Variants in ERC2 observed in about 807,000 individuals in gnomAD.
ERC2 encodes ERC protein 2.
ERC2 carries 42 observed loss-of-function variants against 114.8 expected under a neutral mutation model. That is an observed-to-expected ratio of 0.37 (90% confidence interval 0.29 to 0.47). The LOEUF (loss-of-function observed/expected upper bound fraction) is 0.47, where lower values mean the gene tolerates loss of function less well. Ranked by LOEUF, ERC2 falls within the 20% of genes least tolerant of loss-of-function variation. ERC2 has a pLI of 0.99. For missense variants in ERC2, 939 were observed against 1,150.7 expected, an observed-to-expected ratio of 0.82 and a Z score of 2.66; for synonymous variants, 454 against 425.5, an observed-to-expected ratio of 1.07 and a Z score of -0.82.
At chr3:55,674,636 G>T (rs899085643) in intron 17 of ERC2, among the ~76,000 whole-genome samples, 3 of 152,140 alleles carry the variant, frequency 2.0e-5, no homozygotes, top group Non-Finnish European at 4.4e-5. Context: ...TGTGCAGCGA[G>T]GGGTCTTTCG....
chr3:55,536,521 G>C (rs2054010382), intron 17 of ERC2, among the ~76,000 whole-genome samples: 2 of 152,206 alleles, frequency 1.3e-5, no homozygotes, highest in East Asian at 3.9e-4. Flanking sequence ...GATTGGCTGA[G>C]CTGACTTGAT....
intron 14 of ERC2, among the ~76,000 whole-genome samples, chr3:55,813,277 A>C (rs1575684227): frequency 6.6e-6 from 1 of 152,158 alleles, no homozygotes; most frequent in African/African-American, 2.4e-5. Context: ...GGGCTATTTA[A>C]ATTTGAATTA....
At chr3:55,909,089 C>A (rs554228929) in intron 13 of ERC2, among the ~76,000 whole-genome samples, 109 of 152,296 alleles carry the variant, frequency 7.2e-4, no homozygotes, top group African/African-American at 2.4e-3. Context: ...AGGTCTACAG[C>A]CAAAAAGCTG....
chr3:56,248,618 C>G (rs2051889550), intron 3 of ERC2, among the ~76,000 whole-genome samples: 1 of 152,222 alleles, frequency 6.6e-6, no homozygotes, highest in Non-Finnish European at 1.5e-5. Flanking sequence ...CAAACATTTG[C>G]ACCACCTCAA....
At chr3:56,435,293 A>G (rs2061968023) in intron 1 of ERC2, 146 bp from the exon 2 acceptor site, 2 of 214,888 alleles carry the variant, frequency 9.3e-6, no homozygotes, top group Non-Finnish European at 1.8e-5. Context: ...CACACCCATA[A>G]TGTTGATTTA....
chr3:56,161,424 A>G (rs954868768), intron 4 of ERC2, among the ~76,000 whole-genome samples: 9 of 152,180 alleles, frequency 5.9e-5, no homozygotes, highest in Non-Finnish European at 1.3e-4. Context: ...AGTTTTTTCT[A>G]GTTCTGAGAA....
chr3:55,642,534 C>A (rs1379134722), intron 17 of ERC2, among the ~76,000 whole-genome samples: 1 of 152,030 alleles, frequency 6.6e-6, no homozygotes, highest in Non-Finnish European at 1.5e-5. Flanking sequence ...GGGGTTTCGT[C>A]ATGTTGGCCA....
chr3:56,289,389 C>T (rs1286698544), intron 3 of ERC2, among the ~76,000 whole-genome samples: 1 of 152,170 alleles, frequency 6.6e-6, no homozygotes, highest in Non-Finnish European at 1.5e-5. Flanking sequence ...TGCTTTTGTT[C>T]TCTTCCCATC....
At chr3:56,172,733 G>T (rs185529750) in intron 4 of ERC2, among the ~76,000 whole-genome samples, 4 of 152,176 alleles carry the variant, frequency 2.6e-5, no homozygotes, top group African/African-American at 9.6e-5. Flanking sequence ...TAAATAAAAA[G>T]ATTTTAAATT....
chr3:56,319,796 C>A (rs1000776977), intron 2 of ERC2, among the ~76,000 whole-genome samples: 1 of 151,980 alleles, frequency 6.6e-6, no homozygotes, highest in Admixed American at 6.6e-5. Flanking sequence ...CATAGCGAGA[C>A]CCCATCTCTA....
At chr3:55,521,593 C>G (rs2052940952) in intron 17 of ERC2, among the ~76,000 whole-genome samples, 1 of 152,200 alleles carries the variant, frequency 6.6e-6, no homozygotes, top group Admixed American at 6.5e-5. Flanking sequence ...ATAGAAGTGA[C>G]TGGCAAAAGA....
intron 6 of ERC2, among the ~76,000 whole-genome samples, chr3:56,125,760 G>T (rs1282649389): frequency 2.6e-5 from 4 of 152,072 alleles, no homozygotes; most frequent in African/African-American, 9.7e-5. Flanking sequence ...GTCGATAAAA[G>T]GTCTGAAATC....
At chr3:55,886,413 A>G (rs2063348462) in intron 14 of ERC2, among the ~76,000 whole-genome samples, 1 of 152,200 alleles carries the variant, frequency 6.6e-6, no homozygotes, top group Non-Finnish European at 1.5e-5. Context: ...CTCTATTCTT[A>G]TATAAATCAT....
chr3:56,294,230 T>C (rs2055283296), intron 3 of ERC2, among the ~76,000 whole-genome samples: 1 of 152,252 alleles, frequency 6.6e-6, no homozygotes, highest in Non-Finnish European at 1.5e-5. Context: ...TTGTTATCTA[T>C]TGCTGTGTAA....
intron 2 of ERC2, among the ~76,000 whole-genome samples, chr3:56,414,771 C>T (rs962194451): frequency 5.9e-5 from 9 of 151,782 alleles, no homozygotes; most frequent in Non-Finnish European, 1.2e-4. Flanking sequence ...GATGTCCCTT[C>T]CACTCTCTCT....
intron 17 of ERC2, among the ~76,000 whole-genome samples, chr3:55,608,728 C>A (rs541205866): frequency 6.6e-6 from 1 of 152,298 alleles, no homozygotes; most frequent in South Asian, 2.1e-4. Flanking sequence ...ATTTTAAGTG[C>A]CGTAATTACA....
chr3:55,592,528 G>C (rs1236141105), intron 17 of ERC2, among the ~76,000 whole-genome samples: 1 of 152,214 alleles, frequency 6.6e-6, no homozygotes, highest in South Asian at 2.1e-4. Context: ...GGGAGGAGAG[G>C]GTAGAAAAAG....
At chr3:55,780,714 G>A (rs2068972641) in intron 14 of ERC2, among the ~76,000 whole-genome samples, 1 of 152,074 alleles carries the variant, frequency 6.6e-6, no homozygotes, top group Non-Finnish European at 1.5e-5. Context: ...TGTGGCACAC[G>A]CCAATATTAT....
At chr3:56,033,026 GAAAC>G (rs1295293172) in intron 7 of ERC2, among the ~76,000 whole-genome samples, 8 of 47,656 alleles carry the variant, frequency 1.7e-4, no homozygotes, top group East Asian at 5.0e-4. Context: ...AAAGAAAAAA[GAAAC>G]AGAAAGAAAG....
Sources: gnomAD v4.1 joint callset for allele counts (sites outside exome capture counted in the v4.1 genomes callset) on GRCh38, gnomAD v4.1.1 for gene constraint, MANE v1.5 for transcripts, NCBI Gene and HGNC (gene_info 2026-07-23, HGNC 2026-07-21) for gene names.